The following BACH2 variants were observed in gnomAD, a reference collection of about 807,000 sequenced individuals.
BACH2 encodes the protein BACH transcriptional regulator 2.
In BACH2, 5 loss-of-function variants were observed where a neutral mutation model predicts 61.8. The ratio of observed to expected loss-of-function variants is 0.08; its 90% confidence interval spans 0.04 to 0.17. BACH2 has a LOEUF of 0.17. Among genes scored for constraint, BACH2 ranks in the 10% least tolerant of loss-of-function variants. The pLI is 1.00. For synonymous variants in BACH2, 446 were observed against 440.1 expected (o/e 1.01, Z -0.17); for missense variants, 824 against 1,091.1 (o/e 0.76, Z 3.45).
intron 4 of BACH2, among the ~76,000 whole-genome samples, chr6:90,152,836 T>A (rs768558444): frequency 1.3e-5 from 2 of 152,370 alleles, no homozygotes; most frequent in Non-Finnish European, 2.9e-5. Context: ...TTATGTTTAC[T>A]GTCAGTTATA....
chr6:90,116,932 T>TA, intron 4 of BACH2: 1 of 446,852 alleles, frequency 2.2e-6, no homozygotes, highest in Non-Finnish European at 4.0e-6. Flanking sequence ...TATGTCCAAG[T>TA]ACATGTGCAG....
At chr6:90,220,238 G>T (rs981117776) in intron 3 of BACH2, among the ~76,000 whole-genome samples, 25 of 152,192 alleles carry the variant, frequency 1.6e-4, no homozygotes, top group African/African-American at 5.8e-4. Flanking sequence ...GAAGGAAGAT[G>T]TATTTGATAT....
intron 7 of BACH2, among the ~76,000 whole-genome samples, chr6:89,946,559 C>G (rs1158853399): frequency 6.6e-6 from 1 of 152,160 alleles, no homozygotes; most frequent in Non-Finnish European, 1.5e-5. Flanking sequence ...ACTGAAATGT[C>G]TGGTGATAAG....
At chr6:90,066,332 C>T (rs1035619485) in intron 5 of BACH2, among the ~76,000 whole-genome samples, 1 of 152,214 alleles carries the variant, frequency 6.6e-6, no homozygotes, top group Non-Finnish European at 1.5e-5. Flanking sequence ...TAAGTAGAAG[C>T]TATAGCTGGC....
At chr6:89,967,195 A>G (rs950975736) in intron 6 of BACH2, among the ~76,000 whole-genome samples, 5 of 152,164 alleles carry the variant, frequency 3.3e-5, no homozygotes, top group African/African-American at 4.8e-5. Context: ...TGGGCCATCT[A>G]TTTTGAACAT....
At chr6:90,196,209 T>C (rs1464667064) in intron 4 of BACH2, among the ~76,000 whole-genome samples, 3 of 151,492 alleles carry the variant, frequency 2.0e-5, no homozygotes, top group Admixed American at 2.0e-4. Context: ...GGTGAAAAAA[T>C]GTAAAAGAAG....
intron 1 of BACH2, among the ~76,000 whole-genome samples, chr6:90,283,398 T>C (rs1192857026): frequency 6.6e-6 from 1 of 151,220 alleles, no homozygotes; most frequent in African/African-American, 2.4e-5. Context: ...TTTTTTGAGA[T>C]GGAGTTTCGC....
intron 6 of BACH2, among the ~76,000 whole-genome samples, chr6:89,967,059 A>G (rs886545349): frequency 6.6e-6 from 1 of 152,160 alleles, no homozygotes; most frequent in Non-Finnish European, 1.5e-5. Flanking sequence ...AGAAATTTCT[A>G]ACAATGACTG....
chr6:90,107,322 A>C (rs1248720677), intron 4 of BACH2, among the ~76,000 whole-genome samples: 1 of 152,098 alleles, frequency 6.6e-6, no homozygotes, highest in Non-Finnish European at 1.5e-5. Flanking sequence ...CAGTGAGCTG[A>C]GATCGTGCCA....
At chr6:90,280,823 G>A (rs968450000) in intron 1 of BACH2, among the ~76,000 whole-genome samples, 1 of 152,142 alleles carries the variant, frequency 6.6e-6, no homozygotes, top group East Asian at 1.9e-4. Context: ...CTGCCTCCAA[G>A]GGTAGACATT....
intron 5 of BACH2, among the ~76,000 whole-genome samples, chr6:90,079,244 T>C (rs1318161777): frequency 2.0e-5 from 3 of 152,182 alleles, no homozygotes; most frequent in Admixed American, 1.3e-4. Context: ...CAGAAGATAC[T>C]ACAGGGCAGG....
chr6:90,140,624 G>C (rs1279123384), intron 4 of BACH2, among the ~76,000 whole-genome samples: 1 of 152,160 alleles, frequency 6.6e-6, no homozygotes, highest in Non-Finnish European at 1.5e-5. Context: ...AATAGGTTTG[G>C]ACAGTGAAAT....
intron 3 of BACH2, among the ~76,000 whole-genome samples, chr6:90,229,317 G>A (rs904803510): frequency 1.3e-4 from 20 of 152,074 alleles, no homozygotes; most frequent in Non-Finnish European, 2.4e-4. Flanking sequence ...AAAATTAGCC[G>A]GGTGCAGTGG....
chr6:90,254,034 T>C (rs1770897695), intron 2 of BACH2, among the ~76,000 whole-genome samples: 1 of 152,118 alleles, frequency 6.6e-6, no homozygotes, highest in South Asian at 2.1e-4. Flanking sequence ...AATATCTACA[T>C]TCATTTATAA....
At position 89,951,614 on chromosome 6, in the gene BACH2, C is replaced by T; in HGVS notation, c.492G>A (p.Glu164=). Residue 164 remains glutamate, a synonymous_variant, in exon 7 of 9, where the codon GAG becomes GAA. Transcript: ENST00000257749. This position sits in a 1 kb window ranked among gnomAD's most constrained non-coding sequence, Gnocchi z 6.4. Reference sequence around the variant, plus strand: ...AATCCATCGTCTCCTCCTCTTCATCCTCCTCCTCTCCTGCAGAGTTCTCGC... The same window carrying T: ...AATCCATCGTCTCCTCCTCTTCATCTTCCTCCTCTCCTGCAGAGTTCTCGC... ...EDCENSAGEE[E]DEEEETMDSE... 1 of 1,614,180 alleles carries T rather than the reference C, an allele frequency of 6.2e-7. No homozygotes were observed. Among genetic ancestry groups the T allele is most frequent in the Non-Finnish European group, 8.5e-7 (1 of 1,180,036 alleles).
chr6:90,263,316 T>G (rs1362747031), intron 2 of BACH2, among the ~76,000 whole-genome samples: 1 of 149,274 alleles, frequency 6.7e-6, no homozygotes, highest in African/African-American at 2.6e-5. Context: ...TGATGCCTGA[T>G]GTGCTTAGTT....
rs768281648 is a variant in BACH2, at chr6:89,951,436, C to T, written c.670G>A (p.Ala224Thr). 32 of 1,614,128 alleles carry T rather than the reference C, an allele frequency of 2.0e-5. No homozygotes were observed. The highest frequency in any genetic ancestry group is 6.7e-5 in the East Asian group (3 of 44,898). Residue 224 changes from alanine (A) to threonine (T), a missense_variant, in exon 7 of 9, where the codon GCG (alanine) becomes ACG (threonine). By Grantham distance (58) the Ala-to-Thr change is moderately conservative. Transcript: ENST00000257749. This position sits in a 1 kb window ranked among gnomAD's most constrained non-coding sequence, Gnocchi z 6.4. The stretch of plus-strand genomic sequence containing the variant: ...TTGTATCTGGGGTACTGCGTTAACG[C>T]GTCCTTTTCTGAGCTCTCCTTGGTG... ...TDTKESSEKD[A>T]LTQYPRYKKY...
intron 1 of BACH2, among the ~76,000 whole-genome samples, chr6:90,272,951 C>A (rs1014374061): frequency 6.6e-6 from 1 of 152,170 alleles, no homozygotes; most frequent in Non-Finnish European, 1.5e-5. Context: ...ACCTGCATTG[C>A]CCAGTAGAGA....
chr6:89,972,227 G>A (rs745911938), intron 6 of BACH2, among the ~76,000 whole-genome samples: 5 of 152,118 alleles, frequency 3.3e-5, no homozygotes, highest in African/African-American at 4.8e-5. Flanking sequence ...AGTCTGTTGC[G>A]CAGGAGAGTA....
Sources: gnomAD v4.1 joint callset for allele counts (sites outside exome capture counted in the v4.1 genomes callset) on GRCh38, gnomAD v4.1.1 for gene constraint, Gnocchi (gnomAD v3.1) non-coding constraint, MANE v1.5 for transcripts, NCBI Gene and HGNC (gene_info 2026-07-23, HGNC 2026-07-21) for gene names.